TPX2: variants seen among roughly 807,000 people sequenced by gnomAD.
TPX2 encodes the protein targeting protein for Xklp2.
A neutral mutation model predicts 93.6 loss-of-function variants in TPX2; 21 were observed. The observed-to-expected ratio is 0.22, with a 90% confidence interval of 0.16 to 0.32. The LOEUF is 0.32. TPX2 is among the 10% of genes least tolerant of loss of function. TPX2 has a pLI of 1.00. For missense variants in TPX2, 776 were observed against 871.1 expected (o/e 0.89, Z 1.37); for synonymous variants, 281 against 298.3 (o/e 0.94, Z 0.60).
intron 12 of TPX2, among the ~76,000 whole-genome samples, chr20:31,788,417 C>CAAAAAAAAAAAAAA (rs11356550): frequency 1.5e-5 from 1 of 68,698 alleles, no homozygotes; most frequent in African/African-American, 5.1e-5. Context: ...GACTCTGTCT[C>CAAAAAAAAAAAAAA]AAAAAAAAAA....
At chr20:31,759,912 C>G in intron 3 of TPX2, 145 bp from the exon 4 acceptor site, 3 of 1,070,330 alleles carry the variant, frequency 2.8e-6, no homozygotes, top group South Asian at 1.8e-5. Context: ...TGTACTTTTT[C>G]TTTTGATTGC....
In TPX2 at chr20:31,749,192, C is replaced by T. The variant is rs540543626; in HGVS notation, c.-71+6545C>T. ...CAATCTCTTGACCTCATGATCCACC[C>T]GCCTCGGCCTCCCAAAGTGCTGGGA... On this transcript the variant is annotated intron_variant, in intron 2 of 17. Transcript: ENST00000300403. Among the ~76,000 whole-genome samples the T allele has an allele frequency of 1.0e-3, 159 of 152,156 alleles. 1 individual carries two copies. The highest frequency in any genetic ancestry group is 3.4e-3 in the African/African-American group (142 of 41,526).
At position 31,770,381 on chromosome 20, in the gene TPX2, A is replaced by G; in HGVS notation, c.395A>G (p.Gln132Arg). The change falls in exon 6 of 18, where the codon CAG (glutamine) becomes CGG (arginine). Residue 132 changes from glutamine to arginine, a missense_variant. By Grantham distance (43) the Gln-to-Arg change is conservative. This residue lies in a region of TPX2 where 279 missense variants were observed against 261.6 expected (regional missense o/e 1.07). Coordinates refer to ENST00000300403, the MANE Select transcript of TPX2 (RefSeq NM_012112.5). ...CTTTCTGCTCAGAAGGATTTGGAAC[A>G]GAAAGAAAAGCATCATGTAAAAATG... ...LRLSAQKDLE[Q>R]KEKHHVKMKA... The G allele has an allele frequency of 4.4e-6, 7 of 1,605,896 alleles. No homozygotes were observed. Among genetic ancestry groups the G allele is most frequent in the Non-Finnish European group, 6.0e-6 (7 of 1,175,680 alleles).
At chr20:31,744,395 T>C (rs964340460) in intron 2 of TPX2, among the ~76,000 whole-genome samples, 1 of 151,850 alleles carries the variant, frequency 6.6e-6, no homozygotes, top group Non-Finnish European at 1.5e-5. Flanking sequence ...CCTGACCTCA[T>C]GATCTGCCCA....
rs144734979 is a variant in TPX2 at position 31,756,123 on chromosome 20, T to C, written c.-70-1284T>C. ...TGACAAAACTGTGTTGAACTCTTAC[T>C]ATGTATAATGCACTGTGTTAAGCAC... is the stretch of plus-strand genomic sequence containing the variant. On this transcript the variant is annotated intron_variant, in intron 2 of 17. Transcript: ENST00000300403. 5.7e-3 allele frequency among the ~76,000 whole-genome samples: 867 copies of C among 152,364 alleles called. 9 individuals are homozygous for C. Among genetic ancestry groups the C allele is most frequent in the African/African-American group, 0.02 (829 of 41,586 alleles).
At chr20:31,799,197 A>G (rs894923395) in intron 17 of TPX2, among the ~76,000 whole-genome samples, 1 of 152,218 alleles carries the variant, frequency 6.6e-6, no homozygotes, top group African/African-American at 2.4e-5. Context: ...ACTCCACATT[A>G]AGGACCAATC....
At chr20:31,769,206 A>G (rs2061947997) in intron 5 of TPX2, among the ~76,000 whole-genome samples, 2 of 135,944 alleles carry the variant, frequency 1.5e-5, no homozygotes, top group African/African-American at 6.2e-5. Flanking sequence ...AAAGTATAAT[A>G]ATAAAAAAAA....
intron 17 of TPX2, among the ~76,000 whole-genome samples, 191 bp downstream of exon 17, chr20:31,798,743 T>C (rs937679364): frequency 1.6e-4 from 25 of 152,192 alleles, no homozygotes; most frequent in African/African-American, 6.0e-4. Context: ...GATGTGTACA[T>C]TGTGATCTAA....
intron 2 of TPX2, among the ~76,000 whole-genome samples, chr20:31,754,110 T>C (rs1488723106): frequency 1.3e-5 from 2 of 152,044 alleles, no homozygotes; most frequent in Non-Finnish European, 2.9e-5. Context: ...TTATTTATTT[T>C]ATTTTTTGAG....
At position 31,775,949 on chromosome 20, in the gene TPX2, A is replaced by G; in HGVS notation, c.691A>G (p.Lys231Glu). 1 of 1,599,718 alleles carries G rather than the reference A, an allele frequency of 6.3e-7. No homozygotes were observed. The highest frequency in any genetic ancestry group is 8.5e-7 in the Non-Finnish European group (1 of 1,171,822). The part of the protein sequence containing the change: ...MQQEVVEMRK[K>E]NEEFKKLALA... ...GCAAGAGGTGGTGGAGATGCGGAAA[A>G]AGAATGAAGAATTCAAGAAACTTGC... The change falls in exon 8 of 18, where the codon AAG becomes GAG. Residue 231 changes from lysine (K) to glutamate (E), a missense_variant. Around this residue, in one of 3 missense-constraint regions of TPX2, gnomAD observed 279 missense variants for 261.6 expected, o/e 1.07. Coordinates refer to ENST00000300403, the MANE Select transcript of TPX2 (RefSeq NM_012112.5).
chr20:31,749,854 C>A (rs1299296469), intron 2 of TPX2, among the ~76,000 whole-genome samples: 1 of 152,074 alleles, frequency 6.6e-6, no homozygotes, highest in South Asian at 2.1e-4. Flanking sequence ...AATTTATATA[C>A]CCTTTTATTA....
Position 31,756,886 on chromosome 20 carries a change from C to T in TPX2, c.-70-521C>T, listed in dbSNP as rs558118018. On this transcript the variant is annotated intron_variant, in intron 2 of 17. Coordinates refer to ENST00000300403, the MANE Select transcript of TPX2 (RefSeq NM_012112.5). ...AGGTGATCCACCCGCCTCAGCCTCT[C>T]GAAGTGCTGGGATTACAGGCGTGAG... Among the ~76,000 whole-genome samples, 15 of 152,254 alleles carry T rather than the reference C, an allele frequency of 9.9e-5. No individual in the cohort carries two copies. In the East Asian group the frequency reaches 2.1e-3, roughly 22 times the overall value.
chr20:31,749,049 C>T (rs948571350), intron 2 of TPX2, among the ~76,000 whole-genome samples: 1 of 151,680 alleles, frequency 6.6e-6, no homozygotes, highest in African/African-American at 2.4e-5. Context: ...GGGTTCACGC[C>T]ATTCTCCTGC....
chr20:31,800,859 C>G, intron 17 of TPX2, 111 bp from the exon 18 acceptor site: 1 of 880,824 alleles, frequency 1.1e-6, no homozygotes. Context: ...AAACTAGTGA[C>G]TGGGACCTGT....
At chr20:31,779,725 C>T (rs2062021959) in intron 10 of TPX2, among the ~76,000 whole-genome samples, 1 of 152,116 alleles carries the variant, frequency 6.6e-6, no homozygotes, top group African/African-American at 2.4e-5. Flanking sequence ...GAGGAGATAA[C>T]TAATGGATTA....
intron 6 of TPX2, 117 bp from the exon 7 acceptor site, chr20:31,771,443 A>G (rs998683946): frequency 2.3e-6 from 3 of 1,310,030 alleles, no homozygotes; most frequent in Admixed American, 2.7e-5. Flanking sequence ...TGGTCGAAGC[A>G]TGCTTGTTAT....
In TPX2 at chr20:31,801,317, A is replaced by G. The variant is rs2062170747; in HGVS notation, c.*237A>G. On this transcript the variant is annotated 3_prime_UTR_variant, in exon 18 of 18. Coordinates refer to ENST00000300403, the MANE Select transcript of TPX2 (RefSeq NM_012112.5). ...CTCATGAATGTCTCGATTAGACTCC[A>G]TGTAGTTACTTCCTTTAAACCATCA... is the stretch of plus-strand genomic sequence containing the variant. The G allele has an allele frequency of 2.2e-6, 1 of 452,590 alleles. No individual in the cohort carries two copies. The highest frequency in any genetic ancestry group is 4.0e-6 in the Non-Finnish European group (1 of 250,610). The allele number at this position is 452,590 out of a possible 1,614,324, so 28.0% of individuals were successfully genotyped here.
At chr20:31,758,339 T>C (rs2061864662) in intron 3 of TPX2, among the ~76,000 whole-genome samples, 1 of 152,066 alleles carries the variant, frequency 6.6e-6, no homozygotes, top group African/African-American at 2.4e-5. Flanking sequence ...AGGCTAGTCT[T>C]GAACCCCTGA....
At chr20:31,795,250 C>G (rs1419181999) in intron 15 of TPX2, among the ~76,000 whole-genome samples, 2 of 152,234 alleles carry the variant, frequency 1.3e-5, no homozygotes, top group African/African-American at 4.8e-5. Flanking sequence ...TCTCCCACCT[C>G]AGCCTCCCGA....
Sources: gnomAD v4.1 joint callset for allele counts (sites outside exome capture counted in the v4.1 genomes callset) on GRCh38, gnomAD v4.1.1 for gene constraint, gnomAD v4.1.1 regional missense constraint, MANE v1.5 for transcripts, NCBI Gene and HGNC (gene_info 2026-07-23, HGNC 2026-07-21) for gene names.